Variants in MTR observed in about 807,000 individuals in gnomAD.
MTR encodes 5-methyltetrahydrofolate-homocysteine methyltransferase.
In MTR, 84 loss-of-function variants were observed where a neutral mutation model predicts 154.8. The observed-to-expected ratio is 0.54, with a 90% CI of 0.45 to 0.65. The LOEUF is 0.65. Among genes scored for constraint, MTR ranks in the 30% least tolerant of loss-of-function variants. The pLI, the probability that MTR is intolerant of heterozygous loss-of-function variation, is 0.00. For missense variants in MTR, 1,275 were observed against 1,570.2 expected (o/e 0.81, Z 3.18); for synonymous variants, 554 against 553.9 (o/e 1.00, Z 0.00).
At chr1:236,828,775 G>A (rs1662443142) in intron 11 of MTR, among the ~76,000 whole-genome samples, 1 of 151,918 alleles carries the variant, frequency 6.6e-6, no homozygotes, top group South Asian at 2.1e-4. Context: ...CTTGCCAAAG[G>A]TGAAATCCTT....
intron 29 of MTR, 24 bp from the exon 30 acceptor site, chr1:236,894,333 A>G (rs185764870): frequency 3.7e-6 from 6 of 1,613,594 alleles, no homozygotes; most frequent in Non-Finnish European, 2.5e-6. Context: ...GCCCCCGCAC[A>G]CTCCTACACT....
At chr1:236,832,130 C>T in intron 13 of MTR, 52 bp downstream of exon 13, 1 of 1,389,168 alleles carries the variant, frequency 7.2e-7, no homozygotes, top group Non-Finnish European at 1.0e-6. Flanking sequence ...TTTGGCTAGA[C>T]AGCATGTAAA....
chr1:236,812,690 C>G, intron 5 of MTR, 48 bp from the exon 6 acceptor site: 4 of 1,474,332 alleles, frequency 2.7e-6, no homozygotes, highest in Non-Finnish European at 3.8e-6. Context: ...TAGGGCCATT[C>G]AGAGGATATT....
At chr1:236,865,217 G>A (rs548825892) in intron 22 of MTR, among the ~76,000 whole-genome samples, 5 of 152,324 alleles carry the variant, frequency 3.3e-5, no homozygotes, top group South Asian at 2.1e-4. Flanking sequence ...GAGGGTTTGC[G>A]TATCTTTGCT....
chr1:236,848,980 G>C (rs1207570138), intron 15 of MTR, among the ~76,000 whole-genome samples: 1 of 152,092 alleles, frequency 6.6e-6, no homozygotes, highest in Non-Finnish European at 1.5e-5. Context: ...ATTGCAGTAG[G>C]GTTGGCCATT....
intron 8 of MTR, among the ~76,000 whole-genome samples, chr1:236,823,799 T>C (rs1662121194): frequency 3.5e-5 from 4 of 115,846 alleles, no homozygotes; most frequent in African/African-American, 1.4e-4. Context: ...GTCAGATCTT[T>C]TTTTTTTTTT....
chr1:236,813,583 G>T (rs1661430068), intron 6 of MTR, among the ~76,000 whole-genome samples: 1 of 152,100 alleles, frequency 6.6e-6, no homozygotes, highest in African/African-American at 2.4e-5. Context: ...TTGACAGGTG[G>T]TACCTCACTG....
chr1:236,887,506 C>A (rs892056857), intron 27 of MTR, among the ~76,000 whole-genome samples: 14 of 152,252 alleles, frequency 9.2e-5, no homozygotes, highest in Non-Finnish European at 1.5e-4. Flanking sequence ...CGATTATTTG[C>A]TCTGTATCTT....
At chr1:236,803,377 C>T (rs1356344824) in intron 1 of MTR, 51 bp from the exon 2 acceptor site, 3 of 1,553,204 alleles carry the variant, frequency 1.9e-6, no homozygotes, top group Admixed American at 1.7e-5. Context: ...CTCCCTCACA[C>T]ATCTTTTTCA....
chr1:236,826,887 A>G lies in MTR; in HGVS notation c.986A>G (p.Asp329Gly). 6.2e-7 allele frequency: 1 copy of G among 1,613,842 alleles called. No individual in the cohort carries two copies. Among genetic ancestry groups the G allele is most frequent in the African/African-American group, 1.3e-5 (1 of 75,048 alleles). ...IVGGCCGSTP[D>G]HIREIAEAVK... ...GGAGGATGCTGTGGGTCAACACCAG[A>G]TCATATCAGGTAATAATCACCTATA... is the stretch of plus-strand genomic sequence containing the variant. The change falls in exon 11 of 33, where the codon GAT becomes GGT. Residue 329 changes from aspartate (D) to glycine (G), a missense_variant. Coordinates refer to ENST00000366577, the MANE Select transcript of MTR (RefSeq NM_000254.3).
At chr1:236,852,432 T>TC in intron 16 of MTR, 89 bp from the exon 17 acceptor site, 1 of 948,168 alleles carries the variant, frequency 1.1e-6, no homozygotes, top group Non-Finnish European at 1.7e-6. Context: ...TGTTTTTTTT[T>TC]CTTTCCACTC....
chr1:236,874,434 G>A (rs1240798966), intron 23 of MTR, among the ~76,000 whole-genome samples: 1 of 151,982 alleles, frequency 6.6e-6, no homozygotes, highest in Non-Finnish European at 1.5e-5. Flanking sequence ...AATTAGCCAA[G>A]CTTGGTGGTG....
At chr1:236,838,353 T>C (rs1440686236) in intron 14 of MTR, 61 bp from the exon 15 acceptor site, 2 of 1,558,892 alleles carry the variant, frequency 1.3e-6, no homozygotes, top group African/African-American at 1.4e-5. Flanking sequence ...TTGGAGCCTT[T>C]GAAAAGTAAT....
chr1:236,895,463 A>G lies in MTR; in HGVS notation c.3511A>G (p.Ile1171Val), dbSNP rs753057689. 1.3e-6 allele frequency: 2 copies of G among 1,598,688 alleles called. No individual in the cohort carries two copies. The highest frequency in any genetic ancestry group is 2.3e-5 in the South Asian group (2 of 88,228). Residue 1171 changes from isoleucine (I) to valine (V), a missense_variant, in exon 31 of 33, where the codon ATC (isoleucine) becomes GTC (valine). Physicochemically the swap from Ile to Val is conservative, Grantham distance 29. Coordinates refer to ENST00000366577, the MANE Select transcript of MTR (RefSeq NM_000254.3). The part of the protein sequence containing the change: ...ADLRRLRYKG[I>V]RPAPGYPSQP... ...CCTGCGCAGGCTGCGGTACAAGGGCATCCGCCCGGCTCCTGGCTACCCCAG... is the reference window on the plus strand; with the variant it reads ...CCTGCGCAGGCTGCGGTACAAGGGCGTCCGCCCGGCTCCTGGCTACCCCAG...
At chr1:236,851,130 A>C (rs1469899415) in intron 16 of MTR, among the ~76,000 whole-genome samples, 9 of 152,196 alleles carry the variant, frequency 5.9e-5, no homozygotes, top group African/African-American at 1.7e-4. Flanking sequence ...TTGTGACCCC[A>C]AAATCAATAC....
At chr1:236,872,519 T>C (rs1185847130) in intron 22 of MTR, among the ~76,000 whole-genome samples, 1 of 152,150 alleles carries the variant, frequency 6.6e-6, no homozygotes, top group African/African-American at 2.4e-5. Flanking sequence ...CTAGCCCTTT[T>C]TATTGGCCTA....
At chr1:236,816,902 G>A (rs955696861) in intron 8 of MTR, among the ~76,000 whole-genome samples, 5 of 152,136 alleles carry the variant, frequency 3.3e-5, no homozygotes, top group African/African-American at 4.8e-5. Flanking sequence ...TAAAGCTCAG[G>A]TTTTTATCTG....
In MTR at chr1:236,816,442, A is replaced by C. The variant is rs1661596962; in HGVS notation, c.670-7A>C. Reference sequence around the variant, plus strand: ...TATTGTTGACTTTGTTTACTTTGTCAATTCAGATTTCAGGGACGATCGTTG... The same window carrying C: ...TATTGTTGACTTTGTTTACTTTGTCCATTCAGATTTCAGGGACGATCGTTG... On this transcript the variant is annotated splice_polypyrimidine_tract_variant and splice_region_variant and intron_variant, in intron 7 of 32. Coordinates refer to ENST00000366577, the MANE Select transcript of MTR (RefSeq NM_000254.3). 1 of 1,612,974 alleles carries C rather than the reference A, an allele frequency of 6.2e-7. No homozygotes were observed. Among genetic ancestry groups the C allele is most frequent in the Non-Finnish European group, 8.5e-7 (1 of 1,178,976 alleles).
chr1:236,874,821 T>C lies in MTR; in HGVS notation c.2569T>C (p.Leu857=), dbSNP rs752538620. The change falls in exon 24 of 33, where the codon TTG becomes CTG. Residue 857 remains leucine, a synonymous_variant. Coordinates refer to ENST00000366577, the MANE Select transcript of MTR (RefSeq NM_000254.3). ...MERLAIRIPL[L]IGGATTSKTH... ...GAGATTAGCTATAAGGATTCCATTG[T>C]TGATTGGAGGAGCAACCACTTCAAA... 5.0e-6 allele frequency: 8 copies of C among 1,613,968 alleles called. No individual in the cohort carries two copies. The highest frequency in any genetic ancestry group is 6.8e-6 in the Non-Finnish European group (8 of 1,179,906).
Sources: gnomAD v4.1 joint callset for allele counts (sites outside exome capture counted in the v4.1 genomes callset) on GRCh38, gnomAD v4.1.1 for gene constraint, MANE v1.5 for transcripts, NCBI Gene and HGNC (gene_info 2026-07-23, HGNC 2026-07-21) for gene names.